The following PTPN3 variants were observed in gnomAD, a reference collection of about 807,000 sequenced individuals.
PTPN3 encodes protein tyrosine phosphatase non-receptor type 3.
PTPN3 carries 96 observed loss-of-function variants against 132.7 expected under a neutral mutation model. That is an observed-to-expected ratio of 0.72 (90% confidence interval 0.61 to 0.86). The LOEUF (loss-of-function observed/expected upper bound fraction) is 0.86. PTPN3 is among the 40% of genes least tolerant of loss of function. The pLI is 0.00. For missense variants in PTPN3, 1,125 were observed against 1,159.6 expected (o/e 0.97, Z 0.43); for synonymous variants, 398 against 429.0 (o/e 0.93, Z 0.89).
At chr9:109,422,328 G>A (rs1032728866) in intron 13 of PTPN3, among the ~76,000 whole-genome samples, 4 of 152,262 alleles carry the variant, frequency 2.6e-5, no homozygotes, top group South Asian at 2.1e-4. Context: ...ACGTACCTGC[G>A]TTAGTTTTCC....
chr9:109,413,227 T>G (rs1842213970), intron 14 of PTPN3, among the ~76,000 whole-genome samples: 2 of 152,166 alleles, frequency 1.3e-5, no homozygotes, highest in South Asian at 4.1e-4. Context: ...GTGCTGGGAT[T>G]ACAGGCATGA....
intron 23 of PTPN3, among the ~76,000 whole-genome samples, chr9:109,382,745 C>A (rs1588283326): frequency 6.8e-6 from 1 of 146,908 alleles, no homozygotes; most frequent in African/African-American, 2.6e-5. Context: ...GCCACACATG[C>A]TGACTGTTTT....
intron 1 of PTPN3, among the ~76,000 whole-genome samples, chr9:109,494,004 G>A (rs59486669): frequency 0.41 from 62,735 of 152,122 alleles, 13,787 homozygotes; most frequent in East Asian, 0.85. Flanking sequence ...TAAAACCAGA[G>A]GCATCCCTGC....
At chr9:109,385,565 G>C (rs1277079265) in intron 22 of PTPN3, among the ~76,000 whole-genome samples, 1 of 152,198 alleles carries the variant, frequency 6.6e-6, no homozygotes, top group Non-Finnish European at 1.5e-5. Flanking sequence ...ACAGAGAGAG[G>C]AACTGGGGCA....
At chr9:109,458,206 G>GCTGCTCAGATCTCATTTCCTCATT in intron 2 of PTPN3, among the ~76,000 whole-genome samples, 1 of 152,282 alleles carries the variant, frequency 6.6e-6, no homozygotes, top group African/African-American at 2.4e-5. Flanking sequence ...CACACAAATG[G>GCTGCTCAGATCTCATTTCCTCATT]TCATCTCGAC....
chr9:109,514,111 C>T, the PTPN3 span, among the ~76,000 whole-genome samples: 12 of 152,308 alleles, frequency 7.9e-5, no homozygotes, highest in African/African-American at 2.9e-4. Context: ...CGTGTTCTCT[C>T]CATTCGGCAC....
Position 109,389,378 on chromosome 9 carries a change from A to C in PTPN3, c.2108T>G (p.Met703Arg). The C allele has an allele frequency of 6.2e-7, 1 of 1,613,160 alleles. No individual in the cohort carries two copies. Among genetic ancestry groups the C allele is most frequent in the Non-Finnish European group, 8.5e-7 (1 of 1,179,562 alleles). Residue 703 changes from methionine (M) to arginine (R), a missense_variant and splice_region_variant, in exon 22 of 26, where the codon ATG becomes AGG. Met to Arg is a moderately conservative substitution (Grantham distance 91). Transcript: ENST00000374541. ...EDYINASYVN[M>R]EIPAANLVNK... ...CACAAGGTTAGCAGCAGGAATTTCC[A>C]TCTGGTAAGAAATTGGTAAAGTATT... is the stretch of plus-strand genomic sequence containing the variant.
At chr9:109,460,075 G>C (rs1487234450) in intron 2 of PTPN3, among the ~76,000 whole-genome samples, 1 of 151,866 alleles carries the variant, frequency 6.6e-6, no homozygotes, top group Non-Finnish European at 1.5e-5. Context: ...TGAATAACAG[G>C]CCTCTCCCCC....
At chr9:109,457,747 T>C (rs1281687864) in intron 2 of PTPN3, among the ~76,000 whole-genome samples, 1 of 152,188 alleles carries the variant, frequency 6.6e-6, no homozygotes, top group African/African-American at 2.4e-5. Flanking sequence ...CACAATGAAA[T>C]GCTAACCCCA....
intron 14 of PTPN3, among the ~76,000 whole-genome samples, chr9:109,416,927 T>C (rs1381986672): frequency 6.6e-6 from 1 of 152,196 alleles, no homozygotes; most frequent in Non-Finnish European, 1.5e-5. Flanking sequence ...AGAAAGTTTT[T>C]CTAATACAAC....
the PTPN3 span, among the ~76,000 whole-genome samples, chr9:109,508,512 C>G: frequency 6.6e-6 from 1 of 152,102 alleles, no homozygotes; most frequent in East Asian, 1.9e-4. Flanking sequence ...ATTGAGTTAT[C>G]AATGTGTGTG....
At chr9:109,447,883 G>A (rs1412632550) in intron 6 of PTPN3, among the ~76,000 whole-genome samples, 3 of 152,128 alleles carry the variant, frequency 2.0e-5, no homozygotes, top group Non-Finnish European at 4.4e-5. Context: ...CGTAGGACAC[G>A]AACAGCCCTC....
chr9:109,429,744 C>T (rs565807897), intron 10 of PTPN3, among the ~76,000 whole-genome samples: 15 of 152,184 alleles, frequency 9.9e-5, no homozygotes, highest in African/African-American at 3.4e-4. Flanking sequence ...TGGAACCAAT[C>T]CCCCAAGTAC....
chr9:109,428,759 A>G, intron 10 of PTPN3, 75 bp from the exon 11 acceptor site: 2 of 1,537,748 alleles, frequency 1.3e-6, no homozygotes, highest in Non-Finnish European at 1.7e-6. Context: ...CTCTCAATGC[A>G]TGTCCTTTAC....
chr9:109,507,134 C>T, the PTPN3 span, among the ~76,000 whole-genome samples: 3 of 152,324 alleles, frequency 2.0e-5, no homozygotes, highest in East Asian at 5.8e-4. Context: ...AGGTCAAGAA[C>T]TCTCACTACT....
upstream of PTPN3, among the ~76,000 whole-genome samples, chr9:109,502,670 T>C (rs1847876215): frequency 6.6e-6 from 1 of 152,068 alleles, no homozygotes; most frequent in Non-Finnish European, 1.5e-5. Flanking sequence ...GTGGCACCCA[T>C]GTGTGGTCCC....
intron 1 of PTPN3, among the ~76,000 whole-genome samples, chr9:109,489,036 G>C (rs1267838015): frequency 6.6e-6 from 1 of 152,232 alleles, no homozygotes; most frequent in Non-Finnish European, 1.5e-5. Flanking sequence ...GTGAGCACTA[G>C]AGGAAAGAAG....
chr9:109,381,380 G>A (rs901213875), intron 25 of PTPN3, among the ~76,000 whole-genome samples: 1 of 152,202 alleles, frequency 6.6e-6, no homozygotes, highest in Non-Finnish European at 1.5e-5. Flanking sequence ...CGGTGCGGGG[G>A]AGGATAATGG....
At chr9:109,451,343 G>A in intron 5 of PTPN3, 1 of 975,668 alleles carries the variant, frequency 1.0e-6, no homozygotes, top group Non-Finnish European at 1.2e-6. Flanking sequence ...AATCCCAGAA[G>A]GTCATAGTTA....
Sources: gnomAD v4.1 joint callset for allele counts (sites outside exome capture counted in the v4.1 genomes callset) on GRCh38, gnomAD v4.1.1 for gene constraint, MANE v1.5 for transcripts, NCBI Gene and HGNC (gene_info 2026-07-23, HGNC 2026-07-21) for gene names.